Variants in PLCB4 observed in about 807,000 individuals in gnomAD.
The protein encoded by PLCB4 is 1-phosphatidylinositol 4,5-bisphosphate phosphodiesterase beta-4.
PLCB4 carries 77 observed loss-of-function variants against 178.8 expected under a neutral mutation model. The ratio of observed to expected loss-of-function variants is 0.43; its 90% confidence interval spans 0.36 to 0.52. The LOEUF (loss-of-function observed/expected upper bound fraction) is 0.52, where lower values mean the gene tolerates loss of function less well. Ranked by LOEUF, PLCB4 falls within the 20% of genes least tolerant of loss-of-function variation. PLCB4 has a pLI of 0.00. For missense variants in PLCB4, 1,024 were observed against 1,453.4 expected (o/e 0.70, Z 4.80); for synonymous variants, 496 against 490.8 (o/e 1.01, Z -0.14).
Position 9,401,512 on chromosome 20 carries a change from C to T in PLCB4, c.1533C>T (p.His511=). The change falls in exon 20 of 40, where the codon CAC becomes CAT. Residue 511 remains histidine, a synonymous_variant. Transcript: ENST00000378473. ...IESADQEEEA[H]PEFKFGNELS... is the part of the protein sequence containing the mutation. ...CAGCTGACCAAGAGGAGGAAGCTCA[C>T]CCCGAATTCAAATTTGGAAATGAAC... The T allele has an allele frequency of 6.2e-7, 1 of 1,613,542 alleles. No individual in the cohort carries two copies.
chr20:9,153,507 A>C (rs574206895), intron 2 of PLCB4, among the ~76,000 whole-genome samples: 1 of 152,298 alleles, frequency 6.6e-6, no homozygotes, highest in East Asian at 1.9e-4. Context: ...CCATGTAAGA[A>C]GTGCCTTTCA....
chr20:9,372,469 G>T (rs2036335025), intron 11 of PLCB4, 66 bp downstream of exon 11: 1 of 779,930 alleles, frequency 1.3e-6, no homozygotes, highest in Non-Finnish European at 2.2e-6. Context: ...TTTTTAAAAC[G>T]TTTTTGTCCT....
chr20:9,452,527 CTG>C (rs1318820695), intron 32 of PLCB4, among the ~76,000 whole-genome samples: 3 of 152,130 alleles, frequency 2.0e-5, no homozygotes, highest in Non-Finnish European at 4.4e-5. Flanking sequence ...CTGATTTCCT[CTG>C]TGCTTGGGAG....
chr20:9,152,951 TC>T (rs1410229064), intron 2 of PLCB4, among the ~76,000 whole-genome samples: 1 of 152,072 alleles, frequency 6.6e-6, no homozygotes, highest in African/African-American at 2.4e-5. Flanking sequence ...AGACCTGGAG[TC>T]AAAGGAGATC....
At chr20:9,353,118 T>G (rs1259102371) in intron 7 of PLCB4, among the ~76,000 whole-genome samples, 1 of 152,212 alleles carries the variant, frequency 6.6e-6, no homozygotes, top group Non-Finnish European at 1.5e-5. Flanking sequence ...TTGGGTTGTC[T>G]TTTTAATTTT....
Position 9,356,066 on chromosome 20 carries a change from C to A in PLCB4, c.370-6830C>A, listed in dbSNP as rs578005333. On this transcript the variant is annotated intron_variant, in intron 7 of 39. Transcript: ENST00000378473. ...TGGCCAGTGATGATGAACATTTTTT[C>A]ATGTGTCTTTTGGCTGCATAAATGT... Among the ~76,000 whole-genome samples, 21 of 152,326 alleles carry A rather than the reference C, an allele frequency of 1.4e-4. No homozygotes were observed. In the East Asian group the frequency reaches 3.9e-3, roughly 28 times the overall value.
chr20:9,315,902 C>T (rs1282323023), intron 4 of PLCB4, among the ~76,000 whole-genome samples: 2 of 151,778 alleles, frequency 1.3e-5, no homozygotes, highest in African/African-American at 4.8e-5. Context: ...CACTACACTC[C>T]AGCACTCCAG....
intron 7 of PLCB4, among the ~76,000 whole-genome samples, chr20:9,362,586 A>G (rs2035437102): frequency 6.6e-6 from 1 of 152,230 alleles, no homozygotes; most frequent in Non-Finnish European, 1.5e-5. Flanking sequence ...GCAACTGAAA[A>G]AGGGCTTATA....
chr20:9,195,592 C>T (rs185088534), intron 2 of PLCB4, among the ~76,000 whole-genome samples: 1 of 152,112 alleles, frequency 6.6e-6, no homozygotes, highest in Non-Finnish European at 1.5e-5. Flanking sequence ...CCATCATCTC[C>T]TGCTCTGCCC....
chr20:9,273,863 A>G lies in PLCB4; in HGVS notation c.-15-33937A>G, dbSNP rs530163025. ...AATCAGGTAACATGATAAAACTTACATTTTTAGAAAAGTTAGTTGGGCTTC... is the reference window on the plus strand; with the variant it reads ...AATCAGGTAACATGATAAAACTTACGTTTTTAGAAAAGTTAGTTGGGCTTC... On this transcript the variant is annotated intron_variant, in intron 3 of 39. Coordinates refer to ENST00000378473, the MANE Select transcript of PLCB4 (RefSeq NM_001377142.1). Among the ~76,000 whole-genome samples the G allele has an allele frequency of 3.9e-5, 6 of 152,234 alleles. No homozygotes were observed. In the East Asian group the frequency reaches 1.2e-3, roughly 30 times the overall value.
At chr20:9,358,707 G>A (rs1191277762) in intron 7 of PLCB4, among the ~76,000 whole-genome samples, 6 of 151,926 alleles carry the variant, frequency 3.9e-5, no homozygotes, top group Non-Finnish European at 5.9e-5. Context: ...CACCCTGGCC[G>A]ACATGGTCAA....
intron 14 of PLCB4, among the ~76,000 whole-genome samples, chr20:9,386,652 ATTTAT>A: frequency 6.6e-6 from 1 of 151,946 alleles, no homozygotes; most frequent in East Asian, 1.9e-4. Context: ...AATTTTTTTA[ATTTAT>A]TTTATTTTAT....
intron 2 of PLCB4, among the ~76,000 whole-genome samples, chr20:9,194,309 A>G (rs1230299085): frequency 6.6e-6 from 1 of 152,174 alleles, no homozygotes; most frequent in Admixed American, 6.5e-5. Flanking sequence ...GTATTTTCCA[A>G]CACAAAACCA....
chr20:9,143,902 T>C (rs563728340), intron 2 of PLCB4, among the ~76,000 whole-genome samples: 57 of 152,212 alleles, frequency 3.7e-4, no homozygotes, highest in Non-Finnish European at 7.6e-4. Flanking sequence ...AAAGGGATCT[T>C]AATTTGGTTA....
intron 2 of PLCB4, among the ~76,000 whole-genome samples, chr20:9,133,547 G>A (rs908227475): frequency 2.0e-5 from 3 of 152,154 alleles, no homozygotes; most frequent in Non-Finnish European, 4.4e-5. Flanking sequence ...GATTACAGGT[G>A]TGAGCCACCA....
intron 1 of PLCB4, among the ~76,000 whole-genome samples, chr20:9,073,049 T>C (rs1027473114): frequency 6.6e-6 from 1 of 152,164 alleles, no homozygotes; most frequent in African/African-American, 2.4e-5. Flanking sequence ...GATCTTTTGG[T>C]ATGCCTAGGG....
chr20:9,266,493 G>T (rs2094350620), intron 3 of PLCB4, among the ~76,000 whole-genome samples: 1 of 152,014 alleles, frequency 6.6e-6, no homozygotes, highest in South Asian at 2.1e-4. Context: ...GGCCCTGTAA[G>T]TTGGATCCAC....
At chr20:9,298,826 T>A (rs1032788020) in intron 3 of PLCB4, among the ~76,000 whole-genome samples, 4 of 152,188 alleles carry the variant, frequency 2.6e-5, no homozygotes. Flanking sequence ...TAGCGAATGC[T>A]TGCTTTCTGT....
intron 3 of PLCB4, among the ~76,000 whole-genome samples, chr20:9,282,344 G>A (rs1246541244): frequency 6.6e-6 from 1 of 151,890 alleles, no homozygotes; most frequent in Non-Finnish European, 1.5e-5. Context: ...TCACAATAAG[G>A]TTGACGTATT....
Sources: allele counts gnomAD v4.1 joint callset (sites outside exome capture counted in the v4.1 genomes callset), GRCh38; gene constraint gnomAD v4.1.1; transcripts MANE v1.5; gene names NCBI Gene and HGNC (gene_info 2026-07-23, HGNC 2026-07-21).